DLG2: variants seen among roughly 807,000 people sequenced by gnomAD.
DLG2 encodes the protein disks large homolog 2.
Under a neutral mutation model 132.5 loss-of-function variants are expected in DLG2, and 45 were observed. The ratio of observed to expected loss-of-function variants is 0.34; its 90% CI spans 0.27 to 0.44. The LOEUF is 0.44. DLG2 is among the 20% of genes least tolerant of loss of function. DLG2 has a pLI of 1.00. For missense variants in DLG2, 1,045 were observed against 1,196.9 expected (o/e 0.87, Z 1.87); for synonymous variants, 424 against 419.6 (o/e 1.01, Z -0.13).
chr11:85,181,874 A>G (rs577577370), intron 4 of DLG2, among the ~76,000 whole-genome samples: 2 of 151,650 alleles, frequency 1.3e-5, no homozygotes, highest in East Asian at 3.9e-4. Flanking sequence ...CGTCCCTTAC[A>G]GGCTTCCAGG....
At chr11:84,339,280 G>A in intron 7 of DLG2, among the ~76,000 whole-genome samples, 1 of 152,158 alleles carries the variant, frequency 6.6e-6, no homozygotes, top group East Asian at 1.9e-4. Context: ...CTACACTTAT[G>A]AAGCATTAAT....
intron 7 of DLG2, among the ~76,000 whole-genome samples, chr11:84,475,578 G>A (rs2099119450): frequency 6.6e-6 from 1 of 152,076 alleles, no homozygotes; most frequent in South Asian, 2.1e-4. Context: ...CAATTGTTTT[G>A]CAACCTAGTT....
intron 8 of DLG2, among the ~76,000 whole-genome samples, chr11:84,247,780 T>C (rs2097321742): frequency 6.6e-6 from 1 of 152,208 alleles, no homozygotes; most frequent in Non-Finnish European, 1.5e-5. Flanking sequence ...CCTGTAGCTA[T>C]TCAATTGTCA....
intron 11 of DLG2, among the ~76,000 whole-genome samples, chr11:84,001,090 T>C (rs536744505): frequency 6.6e-6 from 1 of 152,170 alleles, no homozygotes; most frequent in Admixed American, 6.5e-5. Flanking sequence ...AAACCTCATA[T>C]ATTAATATTA....
intron 6 of DLG2, among the ~76,000 whole-genome samples, chr11:84,940,689 G>A (rs180963108): frequency 3.9e-5 from 6 of 152,220 alleles, no homozygotes; most frequent in Non-Finnish European, 7.4e-5. Context: ...TTTCTCTTCA[G>A]TTTGTTGATT....
chr11:83,987,484 G>T (rs1482979689), intron 11 of DLG2, among the ~76,000 whole-genome samples: 1 of 152,092 alleles, frequency 6.6e-6, no homozygotes, highest in African/African-American at 2.4e-5. Context: ...GCATGGTACT[G>T]GTACCAAAAC....
chr11:84,678,511 G>A (rs2099720695), intron 6 of DLG2, among the ~76,000 whole-genome samples: 1 of 152,032 alleles, frequency 6.6e-6, no homozygotes, highest in Non-Finnish European at 1.5e-5. Context: ...TGTAATGTAA[G>A]TTTTGACAAA....
intron 3 of DLG2, among the ~76,000 whole-genome samples, chr11:85,397,940 T>A (rs1464045120): frequency 3.3e-5 from 5 of 152,194 alleles, no homozygotes; most frequent in Non-Finnish European, 7.3e-5. Flanking sequence ...AATAGACATC[T>A]ACAGAACTCT....
intron 16 of DLG2, among the ~76,000 whole-genome samples, chr11:83,862,521 A>G (rs955954841): frequency 3.3e-5 from 5 of 152,162 alleles, no homozygotes; most frequent in South Asian, 2.1e-4. Context: ...GAATGAATAA[A>G]ATCTAGTATT....
intron 3 of DLG2, chr11:85,469,772 A>G (rs1364732296): frequency 2.0e-5 from 3 of 152,250 alleles, no homozygotes. Flanking sequence ...GAGCTCTAAA[A>G]GAAGCCAATT....
chr11:84,522,587 G>GGAGCT (rs957513433), intron 7 of DLG2, among the ~76,000 whole-genome samples: 7 of 152,108 alleles, frequency 4.6e-5, no homozygotes, highest in Admixed American at 3.9e-4. Context: ...ATGTATCCTG[G>GGAGCT]GAGCTGCATT....
chr11:83,647,364 T>C (rs546049324), intron 18 of DLG2: 1 of 152,286 alleles, frequency 6.6e-6, no homozygotes, highest in South Asian at 2.1e-4. Context: ...ATCGTCCATG[T>C]CTGATGCCTC....
At chr11:85,217,547 G>T (rs2082703358) in intron 4 of DLG2, among the ~76,000 whole-genome samples, 1 of 152,136 alleles carries the variant, frequency 6.6e-6, no homozygotes, top group African/African-American at 2.4e-5. Flanking sequence ...AGGCAATTCT[G>T]AACTACCAGT....
chr11:85,618,211 T>G (rs1331221069), intron 2 of DLG2, among the ~76,000 whole-genome samples: 1 of 152,148 alleles, frequency 6.6e-6, no homozygotes, highest in East Asian at 1.9e-4. Flanking sequence ...ACTTGTGTCT[T>G]GACTGCCATA....
intron 7 of DLG2, among the ~76,000 whole-genome samples, chr11:84,528,934 T>C (rs1565202906): frequency 6.6e-6 from 1 of 152,212 alleles, no homozygotes; most frequent in Non-Finnish European, 1.5e-5. Context: ...AGCTCACTCG[T>C]ACTAGCTCAT....
At chr11:84,006,135 A>G (rs1021221661) in intron 11 of DLG2, among the ~76,000 whole-genome samples, 1 of 151,918 alleles carries the variant, frequency 6.6e-6, no homozygotes, top group Non-Finnish European at 1.5e-5. Context: ...ACAACAGAAT[A>G]TTATTTGGCT....
At chr11:84,505,293 C>T (rs879888010) in intron 7 of DLG2, among the ~76,000 whole-genome samples, 9 of 152,020 alleles carry the variant, frequency 5.9e-5, no homozygotes, top group African/African-American at 1.4e-4. Context: ...ATTCTATGAG[C>T]GTATACTGTA....
intron 7 of DLG2, among the ~76,000 whole-genome samples, chr11:84,471,958 T>C (rs1359492096): frequency 1.3e-5 from 2 of 151,252 alleles, no homozygotes; most frequent in Non-Finnish European, 2.9e-5. Context: ...TGATTTAAAA[T>C]TAAGGAAAAA....
chr11:83,518,938 A>T (rs2095390978), intron 21 of DLG2, among the ~76,000 whole-genome samples: 2 of 152,202 alleles, frequency 1.3e-5, no homozygotes, highest in South Asian at 4.1e-4. Flanking sequence ...GGGCTGCTCC[A>T]TACAGCTATC....
Sources: allele counts gnomAD v4.1 joint callset (sites outside exome capture counted in the v4.1 genomes callset), GRCh38; gene constraint gnomAD v4.1.1; transcripts MANE v1.5; gene names NCBI Gene and HGNC (gene_info 2026-07-23, HGNC 2026-07-21).